DCDC1: variants seen among roughly 807,000 people sequenced by gnomAD.
DCDC1 encodes doublecortin domain-containing protein 1.
DCDC1 carries 200 observed loss-of-function variants against 178.3 expected under a neutral mutation model. The observed-to-expected ratio is 1.12, with a 90% CI of 1.00 to 1.26. The LOEUF (loss-of-function observed/expected upper bound fraction) is 1.26, where lower values mean the gene tolerates loss of function less well. Among genes scored for constraint, DCDC1 ranks in the 50% most tolerant of loss-of-function variants. DCDC1 has a pLI of 0.00. For synonymous variants in DCDC1, 690 were observed against 604.8 expected, an observed-to-expected ratio of 1.14 and a Z score of -2.07; for missense variants, 1,983 against 1,749.2, an observed-to-expected ratio of 1.13 and a Z score of -2.38.
At chr11:31,111,242 T>C (rs1959170420) in intron 11 of DCDC1, among the ~76,000 whole-genome samples, 1 of 152,128 alleles carries the variant, frequency 6.6e-6, no homozygotes, top group Non-Finnish European at 1.5e-5. Context: ...TTTTATTTAT[T>C]TCTAGTGCTA....
Position 31,281,499 on chromosome 11 carries a change from T to C in DCDC1, c.960+9148A>G, listed in dbSNP as rs910533629. Among the ~76,000 whole-genome samples the C allele has an allele frequency of 7.9e-5, 12 of 152,226 alleles. No individual in the cohort carries two copies. The East Asian group carries it at 1.4e-3, about 17-fold the overall frequency. On this transcript the variant is annotated intron_variant, in intron 7 of 38. Coordinates refer to ENST00000684477, the MANE Select transcript of DCDC1 (RefSeq NM_001387274.1). ...TAAATTTTGTCAAATTCCTCTCCAATACCTACTGAAATGAGCATATGGCTT... is the reference window on the plus strand; with the variant it reads ...TAAATTTTGTCAAATTCCTCTCCAACACCTACTGAAATGAGCATATGGCTT...
At chr11:31,011,990 G>A (rs2135124736) in intron 20 of DCDC1, among the ~76,000 whole-genome samples, 1 of 152,274 alleles carries the variant, frequency 6.6e-6, no homozygotes, top group South Asian at 2.1e-4. Context: ...CTCCCTTGCT[G>A]TTCTTGTGAT....
At chr11:31,334,390 C>T (rs1489076780) in intron 2 of DCDC1, among the ~76,000 whole-genome samples, 1 of 152,224 alleles carries the variant, frequency 6.6e-6, no homozygotes, top group Non-Finnish European at 1.5e-5. Context: ...GTCAGCTTGT[C>T]AAAGTCATTC....
intron 9 of DCDC1, among the ~76,000 whole-genome samples, chr11:31,163,622 A>T (rs1966513281): frequency 6.6e-6 from 1 of 152,212 alleles, no homozygotes; most frequent in Non-Finnish European, 1.5e-5. Flanking sequence ...GCTAAAAGAG[A>T]GCCTGAAATA....
intron 17 of DCDC1, among the ~76,000 whole-genome samples, chr11:31,085,871 A>T (rs1448005474): frequency 2.0e-5 from 3 of 152,054 alleles, no homozygotes; most frequent in African/African-American, 7.2e-5. Flanking sequence ...CCATGCTCAG[A>T]TAATTTTTAA....
chr11:30,945,722 ATCTATCTATCTATCTATCTATCTATCTG>A (rs980487186), intron 21 of DCDC1, among the ~76,000 whole-genome samples: 2 of 146,980 alleles, frequency 1.4e-5, no homozygotes, highest in African/African-American at 5.4e-5. Context: ...CTATCTATCT[ATCTATCTATCTATCTATCTATCTATCTG>A]TCTGTCTGTC....
At chr11:30,934,256 T>C (rs931217257) in intron 21 of DCDC1, among the ~76,000 whole-genome samples, 1 of 152,192 alleles carries the variant, frequency 6.6e-6, no homozygotes. Flanking sequence ...TCAACATATG[T>C]ATTGGGATCA....
chr11:31,339,422 T>C (rs1462436519), intron 1 of DCDC1, among the ~76,000 whole-genome samples: 1 of 152,226 alleles, frequency 6.6e-6, no homozygotes, highest in Non-Finnish European at 1.5e-5. Flanking sequence ...AAATTTCTAT[T>C]GTTTGTATAC....
chr11:30,951,757 A>T (rs1287210525), intron 21 of DCDC1, among the ~76,000 whole-genome samples: 1 of 152,112 alleles, frequency 6.6e-6, no homozygotes, highest in Non-Finnish European at 1.5e-5. Flanking sequence ...TAATTTCCAA[A>T]CTAGTTGATG....
chr11:31,295,954 T>C (rs980913641), intron 6 of DCDC1, among the ~76,000 whole-genome samples: 2 of 152,202 alleles, frequency 1.3e-5, no homozygotes, highest in African/African-American at 4.8e-5. Context: ...TAATTGTATA[T>C]GATTCTCCTC....
At chr11:31,355,002 CAA>C (rs1951264289) in intron 1 of DCDC1, among the ~76,000 whole-genome samples, 1 of 148,162 alleles carries the variant, frequency 6.7e-6, no homozygotes, top group Non-Finnish European at 1.5e-5. Context: ...TGCACTGGGA[CAA>C]CAGTGCAACA....
At chr11:31,279,901 T>C (rs1338035150) in intron 7 of DCDC1, among the ~76,000 whole-genome samples, 1 of 151,970 alleles carries the variant, frequency 6.6e-6, no homozygotes, top group Non-Finnish European at 1.5e-5. Flanking sequence ...AAAATAATAA[T>C]AATAATAAAA....
At chr11:31,168,918 G>C (rs1046018295) in intron 9 of DCDC1, among the ~76,000 whole-genome samples, 1 of 152,048 alleles carries the variant, frequency 6.6e-6, no homozygotes, top group Admixed American at 6.6e-5. Flanking sequence ...AATAAAATAA[G>C]ATTGAGTATT....
At chr11:31,321,469 C>G (rs1309635146) in intron 3 of DCDC1, among the ~76,000 whole-genome samples, 1 of 151,960 alleles carries the variant, frequency 6.6e-6, no homozygotes, top group East Asian at 1.9e-4. Context: ...ACTCCCTGAC[C>G]CCTTGCGCTT....
intron 1 of DCDC1, among the ~76,000 whole-genome samples, chr11:31,356,190 G>A (rs1373050079): frequency 2.6e-5 from 4 of 152,148 alleles, no homozygotes; most frequent in Admixed American, 1.3e-4. Flanking sequence ...GAATTTTTAT[G>A]TTTACCAAGC....
chr11:31,185,179 T>C (rs1339838743), intron 9 of DCDC1, among the ~76,000 whole-genome samples: 6 of 152,318 alleles, frequency 3.9e-5, no homozygotes, highest in Middle Eastern at 3.4e-3. Flanking sequence ...AAACACTGCG[T>C]GTTCTCACTC....
chr11:31,207,906 T>C (rs1209203915), intron 9 of DCDC1, among the ~76,000 whole-genome samples: 1 of 152,226 alleles, frequency 6.6e-6, no homozygotes, highest in Non-Finnish European at 1.5e-5. Flanking sequence ...CTTCCCACTT[T>C]AATCATCAGC....
chr11:31,233,728 T>C (rs182301234), intron 9 of DCDC1, among the ~76,000 whole-genome samples: 26 of 152,330 alleles, frequency 1.7e-4, no homozygotes, highest in Admixed American at 1.6e-3. Context: ...GAGCACCTTA[T>C]CTACCCAACA....
chr11:30,876,950 C>T (rs1195160950), intron 38 of DCDC1, among the ~76,000 whole-genome samples: 1 of 151,754 alleles, frequency 6.6e-6, no homozygotes, highest in African/African-American at 2.4e-5. Flanking sequence ...AAAGAAAAGG[C>T]AAAACAGAAG....
Sources: allele counts gnomAD v4.1 joint callset (sites outside exome capture counted in the v4.1 genomes callset), GRCh38; gene constraint gnomAD v4.1.1; transcripts MANE v1.5; gene names NCBI Gene and HGNC (gene_info 2026-07-23, HGNC 2026-07-21).